The following MAN1C1 variants were observed in gnomAD, a reference collection of about 807,000 sequenced individuals.
The protein encoded by MAN1C1 is mannosyl-oligosaccharide 1,2-alpha-mannosidase IC.
A neutral mutation model predicts 71.5 loss-of-function variants in MAN1C1; 49 were observed. That is an observed-to-expected ratio of 0.69 (90% CI 0.54 to 0.87). The LOEUF (loss-of-function observed/expected upper bound fraction) is 0.87, where lower values mean the gene tolerates loss of function less well. Among genes scored for constraint, MAN1C1 ranks in the 40% least tolerant of loss-of-function variants. MAN1C1 has a pLI of 0.00. For missense variants in MAN1C1, 743 were observed against 835.0 expected, an observed-to-expected ratio of 0.89 and a Z score of 1.36; for synonymous variants, 352 against 343.7, an observed-to-expected ratio of 1.02 and a Z score of -0.27.
intron 6 of MAN1C1, chr1:25,763,647 G>T: frequency 1.8e-6 from 1 of 546,014 alleles, no homozygotes; most frequent in Non-Finnish European, 3.3e-6. Flanking sequence ...GCAGTCAGTG[G>T]AGAGGCTATG....
At chr1:25,731,273 G>A (rs1427339872) in intron 2 of MAN1C1, among the ~76,000 whole-genome samples, 3 of 152,200 alleles carry the variant, frequency 2.0e-5, no homozygotes, top group Non-Finnish European at 4.4e-5. Context: ...TCGTGCCACT[G>A]CACTGCAGCT....
chr1:25,621,309 T>A (rs1207880285), intron 1 of MAN1C1, among the ~76,000 whole-genome samples: 1 of 152,184 alleles, frequency 6.6e-6, no homozygotes, highest in Non-Finnish European at 1.5e-5. Context: ...TATCCAAGAA[T>A]AGATATTCAG....
At chr1:25,763,567 G>T in intron 6 of MAN1C1, 5 of 288,090 alleles carry the variant, frequency 1.7e-5, no homozygotes, top group Non-Finnish European at 2.0e-5. Flanking sequence ...AGGAAGTGTT[G>T]AGAGTTGGGT....
At chr1:25,727,764 C>T (rs1322265575) in intron 2 of MAN1C1, among the ~76,000 whole-genome samples, 1 of 152,226 alleles carries the variant, frequency 6.6e-6, no homozygotes, top group African/African-American at 2.4e-5. Context: ...CCTCAGCCAC[C>T]CTCACGGGAA....
intron 1 of MAN1C1, among the ~76,000 whole-genome samples, chr1:25,656,095 CTTT>C (rs59710145): frequency 2.7e-4 from 20 of 74,974 alleles, no homozygotes; most frequent in African/African-American, 8.2e-4. Context: ...GATTATCAGT[CTTT>C]TTTTTTTTTT....
intron 1 of MAN1C1, among the ~76,000 whole-genome samples, chr1:25,680,155 C>T (rs903452957): frequency 6.6e-6 from 1 of 151,880 alleles, no homozygotes; most frequent in Non-Finnish European, 1.5e-5. Context: ...CTCTGCCTCC[C>T]GGGTTCAAGA....
At chr1:25,653,395 A>C (rs1572123322) in intron 1 of MAN1C1, among the ~76,000 whole-genome samples, 1 of 152,214 alleles carries the variant, frequency 6.6e-6, no homozygotes, top group African/African-American at 2.4e-5. Context: ...CCTCTGTTGA[A>C]ACCCCCAACC....
chr1:25,736,033 A>C (rs1053394217), intron 2 of MAN1C1, among the ~76,000 whole-genome samples: 18 of 152,178 alleles, frequency 1.2e-4, no homozygotes, highest in African/African-American at 4.3e-4. Flanking sequence ...TCCCCAGGCA[A>C]GTAGAGGCCA....
chr1:25,688,254 G>A (rs1010175123), intron 2 of MAN1C1, among the ~76,000 whole-genome samples: 3 of 152,246 alleles, frequency 2.0e-5, no homozygotes, highest in Admixed American at 1.3e-4. Flanking sequence ...TTCCCATTAG[G>A]AACCTGGCTG....
In MAN1C1 at chr1:25,742,462, G is replaced by A. The variant is rs553627364; in HGVS notation, c.638-4206G>A. Among the ~76,000 whole-genome samples the A allele has an allele frequency of 2.0e-3, 305 of 152,296 alleles. 1 individual carries two copies. The highest frequency in any genetic ancestry group is 3.6e-3 in the Non-Finnish European group (242 of 68,016). ...GTTGGGCCAAGGGTTTTTGCAAGCT[G>A]CAATCTCACGCTCACGTTGCCCTGC... On this transcript the variant is annotated intron_variant, in intron 2 of 11. Coordinates refer to ENST00000374332, the MANE Select transcript of MAN1C1 (RefSeq NM_020379.4).
At position 25,617,642 on chromosome 1, in the gene MAN1C1, CG is replaced by C; in HGVS notation, c.-152del. 3.3e-6 allele frequency: 2 copies of C among 598,976 alleles called. No individual in the cohort carries two copies. The highest frequency in any genetic ancestry group is 5.5e-6 in the Non-Finnish European group (2 of 361,616). The allele number at this position is 598,976 out of a possible 1,614,324, so 37.1% of individuals were successfully genotyped here. A position where few individuals can be genotyped will look rare whatever the true frequency, so the allele number is the denominator to read the frequency against. On this transcript the variant is annotated 5_prime_UTR_variant, in exon 1 of 12. Transcript: ENST00000374332. This position sits in a 1 kb window ranked among gnomAD's most constrained non-coding sequence, Gnocchi z 5.1. ...GACTCGCTCCAAACTCCCTGAACTT[CG>C]GGGACAGTCCCCCGAAGCGGCGAAA...
intron 1 of MAN1C1, among the ~76,000 whole-genome samples, chr1:25,639,917 A>G (rs1291005062): frequency 1.3e-5 from 2 of 152,132 alleles, no homozygotes; most frequent in Non-Finnish European, 2.9e-5. Flanking sequence ...ATGTTTGTTG[A>G]TATTTGTCGT....
At chr1:25,675,074 T>C (rs1458209260) in intron 1 of MAN1C1, among the ~76,000 whole-genome samples, 1 of 152,202 alleles carries the variant, frequency 6.6e-6, no homozygotes, top group East Asian at 1.9e-4. Flanking sequence ...CTGCTTTTTA[T>C]TGATTGATTG....
Position 25,617,866 on chromosome 1 carries a change from C to T in MAN1C1, c.69C>T (p.Phe23=), listed in dbSNP as rs774720447. 1.2e-6 allele frequency: 2 copies of T among 1,607,478 alleles called. No homozygotes were observed. Among genetic ancestry groups the T allele is most frequent in the Non-Finnish European group, 8.5e-7 (1 of 1,177,784 alleles). Reference sequence around the variant, plus strand: ...GGGGGCTGCGGCTGCCGCAGAAGTTCCTCTTCCTCCTCTTCCTCTCGGGCC... The same window carrying T: ...GGGGGCTGCGGCTGCCGCAGAAGTTTCTCTTCCTCCTCTTCCTCTCGGGCC... The part of the protein sequence containing the change: ...SPWGLRLPQK[F]LFLLFLSGLV... The change falls in exon 1 of 12, where the codon TTC becomes TTT. Residue 23 remains phenylalanine (F), a synonymous_variant. Coordinates refer to ENST00000374332, the MANE Select transcript of MAN1C1 (RefSeq NM_020379.4). The surrounding 1 kb of genome is among the most constrained non-coding windows in gnomAD (Gnocchi z 5.1).
Position 25,784,119 on chromosome 1 carries a change from T to G in MAN1C1, c.*330T>G, listed in dbSNP as rs2047735952. ...ATTTGCTTCCTTTTGGTTTCTTGGT[T>G]TTTGTTTTTGCTTGATTTTGTCTTT... is the stretch of plus-strand genomic sequence containing the variant. On this transcript the variant is annotated 3_prime_UTR_variant, in exon 12 of 12. Coordinates refer to ENST00000374332, the MANE Select transcript of MAN1C1 (RefSeq NM_020379.4). 1.3e-5 allele frequency: 3 copies of G among 223,828 alleles called. No individual in the cohort carries two copies. The highest frequency in any genetic ancestry group is 2.6e-5 in the Non-Finnish European group (3 of 113,228). The allele number at this position is 223,828 out of a possible 1,614,324, so 13.9% of individuals were successfully genotyped here.
intron 1 of MAN1C1, among the ~76,000 whole-genome samples, chr1:25,658,388 G>A (rs1214447609): frequency 6.6e-6 from 1 of 152,166 alleles, no homozygotes; most frequent in Non-Finnish European, 1.5e-5. Context: ...AGGCTTCATG[G>A]GGAGTGAAGG....
intron 1 of MAN1C1, among the ~76,000 whole-genome samples, chr1:25,671,960 T>C (rs2045998900): frequency 6.6e-6 from 1 of 152,202 alleles, no homozygotes; most frequent in Non-Finnish European, 1.5e-5. Flanking sequence ...CACATGATTA[T>C]GGAGGCTGGG....
intron 1 of MAN1C1, among the ~76,000 whole-genome samples, chr1:25,678,751 T>C (rs907060638): frequency 1.3e-5 from 2 of 152,150 alleles, no homozygotes; most frequent in Admixed American, 6.5e-5. Flanking sequence ...AGCTATTATA[T>C]AGCTATTAAA....
At chr1:25,713,938 G>A (rs1407923666) in intron 2 of MAN1C1, among the ~76,000 whole-genome samples, 1 of 152,132 alleles carries the variant, frequency 6.6e-6, no homozygotes, top group Non-Finnish European at 1.5e-5. Flanking sequence ...CGTGTTTCCT[G>A]TAGCCCCTCC....
Sources: gnomAD v4.1 joint callset for allele counts (sites outside exome capture counted in the v4.1 genomes callset) on GRCh38, gnomAD v4.1.1 for gene constraint, Gnocchi (gnomAD v3.1) non-coding constraint, MANE v1.5 for transcripts, NCBI Gene and HGNC (gene_info 2026-07-23, HGNC 2026-07-21) for gene names.